Variants in FER1L5 observed in about 807,000 individuals in gnomAD.
FER1L5 encodes fer-1 like family member 5, also known as fer-1-like protein 5.
In FER1L5, 187 loss-of-function variants were observed where a neutral mutation model predicts 279.9. That is an observed-to-expected ratio of 0.67 (90% CI 0.59 to 0.75). The LOEUF is 0.75. Among genes scored for constraint, FER1L5 ranks in the 30% least tolerant of loss-of-function variants. The probability of loss-of-function intolerance (pLI) is 0.00; values close to 1 mark genes in which losing one functional copy is unlikely to be tolerated. For synonymous variants in FER1L5, 921 were observed against 989.7 expected, an observed-to-expected ratio of 0.93 and a Z score of 1.30; for missense variants, 2,091 against 2,594.4, an observed-to-expected ratio of 0.81 and a Z score of 4.21.
intron 19 of FER1L5, among the ~76,000 whole-genome samples, chr2:96,679,225 A>G (rs1212209625): frequency 6.7e-6 from 1 of 149,410 alleles, no homozygotes. Flanking sequence ...ACACACACCT[A>G]TAGTTTTTTT....
Position 96,691,077 on chromosome 2 carries a change from A to C in FER1L5, c.2744-113A>C, listed in dbSNP as rs1458384702. The C allele has an allele frequency of 1.2e-5, 16 of 1,326,008 alleles. No individual in the cohort carries two copies. The highest frequency in any genetic ancestry group is 3.0e-5 in the African/African-American group (2 of 66,438). 82.1% of individuals were successfully genotyped at this position (1,326,008 alleles called of 1,614,324 possible). On this transcript the variant is annotated intron_variant, in intron 27 of 52. Transcript: ENST00000624922. The surrounding 1 kb of genome is among the most constrained non-coding windows in gnomAD (Gnocchi z 6.0). Reference sequence around the variant, plus strand: ...TCTCCTTTCCACACCTCAGGGCCAGAGACCTGGATGTGAGGGAAGTAATGC... The same window carrying C: ...TCTCCTTTCCACACCTCAGGGCCAGCGACCTGGATGTGAGGGAAGTAATGC...
At chr2:96,647,185 G>C in intron 3 of FER1L5, 30 bp downstream of exon 3, 2 of 1,545,916 alleles carry the variant, frequency 1.3e-6, no homozygotes, top group Admixed American at 2.0e-5. Flanking sequence ...GAGGAGCCTA[G>C]CTCCTGACCA....
chr2:96,649,520 C>G (rs2075278666), intron 4 of FER1L5, 103 bp from the exon 5 acceptor site: 2 of 1,083,766 alleles, frequency 1.8e-6, no homozygotes, highest in Non-Finnish European at 2.7e-6. Context: ...ACGGCCCCCA[C>G]CAGGAGGACC....
chr2:96,693,499 C>T lies in FER1L5; in HGVS notation c.3293-7C>T, dbSNP rs62156207. 5 of 1,548,562 alleles carry T rather than the reference C, an allele frequency of 3.2e-6. No homozygotes were observed. The highest frequency in any genetic ancestry group is 3.5e-6 in the Non-Finnish European group (4 of 1,145,414). ...AGACACTGCTACCTTCTCCTCTACC[C>T]CTCCAGGGCCCTTCATTCGGGTGGT... is the stretch of plus-strand genomic sequence containing the variant. On this transcript the variant is annotated splice_polypyrimidine_tract_variant and splice_region_variant and intron_variant, in intron 31 of 52. Transcript: ENST00000624922.
Position 96,700,079 on chromosome 2 carries a change from T to C in FER1L5, c.4929T>C (p.Phe1643=). 6.2e-7 allele frequency: 1 copy of C among 1,613,752 alleles called. No homozygotes were observed. Among genetic ancestry groups the C allele is most frequent in the Non-Finnish European group, 8.5e-7 (1 of 1,179,870 alleles). ...GGAAAAAGTTCAAGCTGCAAAGCTT[T>C]GGTGAGCAGCGCAGAACACTAGCAG... The part of the protein sequence containing the change: ...YNGKKFKLQS[F]EPKTPTVHGL... The change falls in exon 44 of 53, where the codon TTT becomes TTC. Residue 1643 remains phenylalanine (F), a splice_region_variant and synonymous_variant. Transcript: ENST00000624922.
intron 14 of FER1L5, 135 bp from the exon 15 acceptor site, chr2:96,668,616 A>T (rs1308409050): frequency 2.0e-6 from 2 of 1,002,128 alleles, no homozygotes; most frequent in African/African-American, 1.6e-5. Flanking sequence ...CAGCTTTTCT[A>T]TGATGAAGTG....
In FER1L5 at chr2:96,679,846, T is replaced by C. The variant is rs1558888986; in HGVS notation, c.1670-4481T>C. Among the ~76,000 whole-genome samples, 8 of 152,326 alleles carry C rather than the reference T, an allele frequency of 5.3e-5. No individual in the cohort carries two copies. In the South Asian group the frequency reaches 1.7e-3, roughly 32 times the overall value. ...CTATCCTTATTTCCATGCCCCTCAC[T>C]GAATTGTCTGCAGCATCTAATCTCC... On this transcript the variant is annotated intron_variant, in intron 19 of 52. Transcript: ENST00000624922.
chr2:96,698,628 C>G lies in FER1L5; in HGVS notation c.4357-43C>G. Reference sequence around the variant, plus strand: ...CTCCCAGAGGGCTTTACAGAGCTGGCCAGCACTGCCAGGCTGGGCCCCCAA... The same window carrying G: ...CTCCCAGAGGGCTTTACAGAGCTGGGCAGCACTGCCAGGCTGGGCCCCCAA... On this transcript the variant is annotated intron_variant, in intron 40 of 52. Coordinates refer to ENST00000624922, the MANE Select transcript of FER1L5 (RefSeq NM_001293083.2). The surrounding 1 kb of genome is among the most constrained non-coding windows in gnomAD (Gnocchi z 5.5). 4 of 1,522,712 alleles carry G rather than the reference C, an allele frequency of 2.6e-6. No homozygotes were observed. The highest frequency in any genetic ancestry group is 1.8e-6 in the Non-Finnish European group (2 of 1,119,968). 94.3% of individuals were successfully genotyped at this position (1,522,712 alleles called of 1,614,324 possible).
rs752953043 is a variant in FER1L5 at position 96,692,098 on chromosome 2, C to A, written c.3215-6C>A. 13 of 1,551,302 alleles carry A rather than the reference C, an allele frequency of 8.4e-6. No homozygotes were observed. In the South Asian group the frequency reaches 1.4e-4, roughly 17 times the overall value. On this transcript the variant is annotated splice_region_variant and splice_polypyrimidine_tract_variant and intron_variant, in intron 30 of 52. Transcript: ENST00000624922. ...CAGGTGACAGGCATGGCTTCTCTTT[C>A]CCCAGAGCCCCACTACTACCAGCTC... is the stretch of plus-strand genomic sequence containing the variant.
intron 9 of FER1L5, among the ~76,000 whole-genome samples, chr2:96,655,528 A>G (rs1354494545): frequency 6.6e-6 from 1 of 152,186 alleles, no homozygotes; most frequent in Non-Finnish European, 1.5e-5. Context: ...TACTAAATCT[A>G]CAATGTTAGG....
intron 15 of FER1L5, 30 bp from the exon 16 acceptor site, chr2:96,668,856 G>A (rs1013589205): frequency 4.5e-6 from 7 of 1,551,604 alleles, no homozygotes; most frequent in Non-Finnish European, 6.1e-6. Flanking sequence ...TGGGCCGGGG[G>A]CTCAGCCTGA....
intron 45 of FER1L5, 87 bp from the exon 46 acceptor site, chr2:96,701,868 C>A: frequency 2.2e-6 from 3 of 1,347,976 alleles, no homozygotes; most frequent in South Asian, 1.3e-5. Flanking sequence ...CTCAACAGAC[C>A]TCAGAACCTG....
At chr2:96,659,430 T>TTTCTTTCC (rs2075824552) in intron 9 of FER1L5, among the ~76,000 whole-genome samples, 1 of 16,590 alleles carries the variant, frequency 6.0e-5, no homozygotes, top group Admixed American at 9.0e-4. Context: ...TCTTTCTTTC[T>TTTCTTTCC]TTCTTTCTTT....
At chr2:96,700,546 A>G in intron 45 of FER1L5, 75 bp downstream of exon 45, 2 of 1,592,300 alleles carry the variant, frequency 1.3e-6, no homozygotes, top group Admixed American at 1.7e-5. Context: ...CTGTCCACCC[A>G]GGACATAGTC....
At chr2:96,661,645 T>C in intron 11 of FER1L5, 23 bp from the exon 12 acceptor site, 1 of 1,551,650 alleles carries the variant, frequency 6.4e-7, no homozygotes. Context: ...ACCTTGACTA[T>C]ATCAGCTCTC....
chr2:96,693,836 C>T (rs1289578105), intron 32 of FER1L5, 75 bp from the exon 33 acceptor site: 1 of 1,482,826 alleles, frequency 6.7e-7, no homozygotes. Flanking sequence ...AGCTGTTGCC[C>T]TTGCCTTGAG....
intron 13 of FER1L5, 114 bp from the exon 14 acceptor site, chr2:96,663,325 A>G: frequency 3.1e-6 from 3 of 957,820 alleles, no homozygotes; most frequent in Non-Finnish European, 4.9e-6. Context: ...GATTAGCCCA[A>G]GCACCTCTGT....
intron 19 of FER1L5, among the ~76,000 whole-genome samples, chr2:96,684,027 T>C (rs1438232190): frequency 6.6e-6 from 1 of 152,224 alleles, no homozygotes; most frequent in African/African-American, 2.4e-5. Flanking sequence ...GCCTGCGTTA[T>C]GACCGCCTGG....
intron 19 of FER1L5, among the ~76,000 whole-genome samples, chr2:96,681,784 AT>A (rs2076737880): frequency 6.6e-6 from 1 of 151,050 alleles, no homozygotes; most frequent in Non-Finnish European, 1.5e-5. Flanking sequence ...TTATTTATTT[AT>A]TTATTTATTT....
Sources: allele counts gnomAD v4.1 joint callset (sites outside exome capture counted in the v4.1 genomes callset), GRCh38; gene constraint gnomAD v4.1.1; non-coding constraint Gnocchi (gnomAD v3.1); transcripts MANE v1.5; gene names NCBI Gene and HGNC (gene_info 2026-07-23, HGNC 2026-07-21).